The following CHST9 variants were observed in gnomAD, a reference collection of about 807,000 sequenced individuals.
CHST9 encodes the protein carbohydrate sulfotransferase 9.
A neutral mutation model predicts 44.4 loss-of-function variants in CHST9; 41 were observed. That is an observed-to-expected ratio of 0.92 (90% confidence interval 0.72 to 1.20). The LOEUF (loss-of-function observed/expected upper bound fraction) is 1.20, where lower values mean the gene tolerates loss of function less well. CHST9 is among the 50% of genes most tolerant of loss of function. The pLI, the probability that CHST9 is intolerant of heterozygous loss-of-function variation, is 0.00. For missense variants in CHST9, 504 were observed against 516.5 expected, an observed-to-expected ratio of 0.98 and a Z score of 0.23; for synonymous variants, 171 against 178.4, an observed-to-expected ratio of 0.96 and a Z score of 0.33.
At chr18:26,947,026 T>A (rs2056174470) in intron 4 of CHST9, among the ~76,000 whole-genome samples, 1 of 152,200 alleles carries the variant, frequency 6.6e-6, no homozygotes, top group African/African-American at 2.4e-5. Context: ...CATATGAAAT[T>A]TAAAGTAGTT....
At chr18:26,962,130 G>C (rs982807180) in intron 4 of CHST9, among the ~76,000 whole-genome samples, 1 of 152,098 alleles carries the variant, frequency 6.6e-6, no homozygotes, top group African/African-American at 2.4e-5. Context: ...TTTAAACTGA[G>C]ACACAGCTTA....
intron 1 of CHST9, among the ~76,000 whole-genome samples, chr18:27,177,490 A>G (rs903845534): frequency 6.6e-6 from 1 of 151,918 alleles, no homozygotes; most frequent in African/African-American, 2.4e-5. Context: ...CCGCAAAACT[A>G]AGTGGAATTT....
chr18:27,077,760 A>G lies in CHST9; in HGVS notation c.122-29257T>C, dbSNP rs1033635438. On this transcript the variant is annotated intron_variant, in intron 2 of 5. Transcript: ENST00000618847. ...AATAATGTATCTTGCTCATATAAAG[A>G]CAGAAAAATATACAAATTGTATTAA... is the stretch of plus-strand genomic sequence containing the variant. Among the ~76,000 whole-genome samples the G allele has an allele frequency of 2.0e-5, 3 of 152,228 alleles. No homozygotes were observed. The East Asian group carries it at 5.8e-4, about 29-fold the overall frequency.
At chr18:27,142,936 C>G in intron 1 of CHST9, 31 bp from the exon 2 acceptor site, 3 of 801,440 alleles carry the variant, frequency 3.7e-6, no homozygotes, top group Non-Finnish European at 5.7e-6. Context: ...CTACATTGTA[C>G]ATTTCTGCTA....
intron 2 of CHST9, among the ~76,000 whole-genome samples, chr18:27,108,319 C>A (rs2058240204): frequency 6.6e-6 from 1 of 151,900 alleles, no homozygotes; most frequent in Non-Finnish European, 1.5e-5. Flanking sequence ...TCAGTCAAGC[C>A]AGTATTCTTT....
chr18:26,919,851 T>G (rs1049848770), intron 5 of CHST9, among the ~76,000 whole-genome samples: 2 of 152,204 alleles, frequency 1.3e-5, no homozygotes, highest in Non-Finnish European at 2.9e-5. Flanking sequence ...CTGTGTCTCT[T>G]GCACTTTCTC....
At chr18:27,056,810 T>A (rs548595088) in intron 2 of CHST9, among the ~76,000 whole-genome samples, 1 of 152,216 alleles carries the variant, frequency 6.6e-6, no homozygotes, top group African/African-American at 2.4e-5. Flanking sequence ...TTCTGATATG[T>A]TTACATCACC....
intron 5 of CHST9, among the ~76,000 whole-genome samples, chr18:26,941,269 C>T (rs1488343719): frequency 1.3e-5 from 2 of 152,090 alleles, no homozygotes. Flanking sequence ...ATCCTCTGCA[C>T]CAGAAACAGA....
At chr18:27,034,032 C>A (rs552341978) in intron 3 of CHST9, among the ~76,000 whole-genome samples, 3 of 152,364 alleles carry the variant, frequency 2.0e-5, no homozygotes, top group African/African-American at 7.2e-5. Context: ...ATCCGCACTG[C>A]TGCTTCCCTG....
intron 4 of CHST9, among the ~76,000 whole-genome samples, chr18:26,980,744 GA>G (rs1160941324): frequency 2.6e-5 from 4 of 151,680 alleles, no homozygotes; most frequent in Non-Finnish European, 5.9e-5. Context: ...TTTTCTTGGG[GA>G]AAAAAAAGGT....
chr18:27,148,120 G>T (rs1258699905), intron 1 of CHST9, among the ~76,000 whole-genome samples: 1 of 151,826 alleles, frequency 6.6e-6, no homozygotes, highest in African/African-American at 2.4e-5. Context: ...GCAGTATTTG[G>T]TTTTCTGTTC....
At chr18:26,950,225 AT>A (rs1200070793) in intron 4 of CHST9, among the ~76,000 whole-genome samples, 1 of 152,210 alleles carries the variant, frequency 6.6e-6, no homozygotes, top group Non-Finnish European at 1.5e-5. Context: ...CCTCACAGAC[AT>A]TATGTCCTGA....
chr18:27,048,527 G>C, intron 2 of CHST9, 24 bp from the exon 3 acceptor site: 1 of 1,587,730 alleles, frequency 6.3e-7, no homozygotes, highest in East Asian at 2.3e-5. Flanking sequence ...TGGAAGATAA[G>C]TTACAGCATG....
At chr18:27,173,918 T>C (rs1391294728) in intron 1 of CHST9, among the ~76,000 whole-genome samples, 1 of 152,042 alleles carries the variant, frequency 6.6e-6, no homozygotes, top group Non-Finnish European at 1.5e-5. Flanking sequence ...TTTGCCATAA[T>C]TATTTGCCTA....
intron 2 of CHST9, among the ~76,000 whole-genome samples, chr18:27,099,018 G>T (rs1366093037): frequency 1.3e-5 from 2 of 152,022 alleles, no homozygotes; most frequent in Non-Finnish European, 2.9e-5. Context: ...ACAGAATAGA[G>T]AATCAAGAAA....
At chr18:26,996,505 C>A (rs2145218480) in intron 4 of CHST9, among the ~76,000 whole-genome samples, 1 of 152,204 alleles carries the variant, frequency 6.6e-6, no homozygotes, top group Middle Eastern at 3.4e-3. Context: ...AGAGGAAAGG[C>A]CTCTTCTTCC....
intron 4 of CHST9, among the ~76,000 whole-genome samples, chr18:26,950,911 T>C (rs1484867850): frequency 6.6e-6 from 1 of 152,192 alleles, no homozygotes. Flanking sequence ...AAAACTAGTC[T>C]TTTTTGTCTC....
chr18:27,056,275 A>G (rs1378287661), intron 2 of CHST9, among the ~76,000 whole-genome samples: 1 of 152,164 alleles, frequency 6.6e-6, no homozygotes, highest in Non-Finnish European at 1.5e-5. Context: ...TTCCCAGTAA[A>G]TGACTTTCAT....
chr18:27,114,465 T>C (rs1450852741), intron 2 of CHST9, among the ~76,000 whole-genome samples: 1 of 152,186 alleles, frequency 6.6e-6, no homozygotes, highest in Non-Finnish European at 1.5e-5. Flanking sequence ...TATACTGAGG[T>C]ATAATTTGCA....
Sources: allele counts gnomAD v4.1 joint callset (sites outside exome capture counted in the v4.1 genomes callset), GRCh38; gene constraint gnomAD v4.1.1; transcripts MANE v1.5; gene names NCBI Gene and HGNC (gene_info 2026-07-23, HGNC 2026-07-21).